The following XIAP variants were observed in gnomAD, a reference collection of about 807,000 sequenced individuals.
The protein encoded by XIAP is X-linked inhibitor of apoptosis.
In XIAP, 3 loss-of-function variants were observed where a neutral mutation model predicts 33.1. That is an observed-to-expected ratio of 0.09 (90% CI 0.04 to 0.23). The LOEUF is 0.23. Among genes scored for constraint, XIAP ranks in the 10% least tolerant of loss-of-function variants. The pLI is 1.00. For synonymous variants in XIAP, 98 were observed against 121.3 expected (o/e 0.81, Z 1.26); for missense variants, 264 against 363.0 (o/e 0.73, Z 2.22).
intron 1 of XIAP, among the ~76,000 whole-genome samples, chrX:123,867,405 C>T (rs1449197837): frequency 2.9e-5 from 3 of 101,709 alleles, no homozygotes; most frequent in Non-Finnish European, 6.0e-5. Flanking sequence ...GACAGAGTCT[C>T]ACTCTGTCCC....
At position 123,886,107 on chromosome X, in the gene XIAP, A is replaced by C. The variant is rs765378700; in HGVS notation, c.445A>C (p.Ile149Leu). The C allele has an allele frequency of 1.7e-6, 2 of 1,211,809 alleles. No homozygotes were observed. The highest frequency in any genetic ancestry group is 2.2e-6 in the Non-Finnish European group (2 of 895,597). The change falls in exon 2 of 7, where the codon ATA becomes CTA. Residue 149 changes from isoleucine to leucine, a missense_variant. Physicochemically the swap from Ile to Leu is conservative, Grantham distance 5. Coordinates refer to ENST00000371199, the MANE Select transcript of XIAP (RefSeq NM_001167.4). Reference protein sequence around the residue: ...YLLRTGQVVDISDTIYPRNPA... With the variant: ...YLLRTGQVVDLSDTIYPRNPA... ...TTTGAGAACTGGGCAGGTTGTAGAT[A>C]TATCAGACACCATATACCCGAGGAA...
intron 1 of XIAP, among the ~76,000 whole-genome samples, chrX:123,881,215 T>A (rs1448054238): frequency 9.0e-6 from 1 of 111,430 alleles, no homozygotes; most frequent in Non-Finnish European, 1.9e-5. Flanking sequence ...CCCAGCATAC[T>A]TTATTGCACC....
In XIAP at chrX:123,888,655, G is replaced by A. The variant is rs2053375818; in HGVS notation, c.914G>A (p.Gly305Glu). The change falls in exon 3 of 7, where the codon GGA becomes GAA. Residue 305 changes from glycine (G) to glutamate (E), a missense_variant. Physicochemically the swap from Gly to Glu is moderately conservative, Grantham distance 98. Coordinates refer to ENST00000371199, the MANE Select transcript of XIAP (RefSeq NM_001167.4). Reference protein sequence around the residue: ...GDKVKCFHCGGGLTDWKPSED... With the variant: ...GDKVKCFHCGEGLTDWKPSED... ...AAAGTAAAGTGCTTTCACTGTGGAG[G>A]AGGGCTAACTGATTGGAAGCCCAGT... The A allele has an allele frequency of 2.5e-6, 3 of 1,210,378 alleles. No individual in the cohort carries two copies. The highest frequency in any genetic ancestry group is 2.2e-6 in the Non-Finnish European group (2 of 895,306).
intron 1 of XIAP, among the ~76,000 whole-genome samples, chrX:123,863,952 A>T (rs191556719): frequency 1.6e-4 from 18 of 111,782 alleles, no homozygotes; most frequent in African/African-American, 5.5e-4. Flanking sequence ...GCATTGGATG[A>T]TTCCAACTAG....
intron 1 of XIAP, among the ~76,000 whole-genome samples, chrX:123,872,414 G>A (rs768424704): frequency 2.6e-4 from 28 of 108,561 alleles, no homozygotes; most frequent in African/African-American, 9.1e-4. Flanking sequence ...TTGGCCGGGT[G>A]TGGTGGCTCA....
chrX:123,903,619 G>GTT (rs1163905528), intron 6 of XIAP, among the ~76,000 whole-genome samples: 1 of 55,300 alleles, frequency 1.8e-5, no homozygotes, highest in Non-Finnish European at 3.4e-5. Context: ...GTTTGTTTCA[G>GTT]TTTTTTTTTT....
intron 5 of XIAP, among the ~76,000 whole-genome samples, chrX:123,900,247 C>T (rs769706658): frequency 4.5e-5 from 5 of 111,922 alleles, no homozygotes; most frequent in South Asian, 3.7e-4. Context: ...TACCTTGCAT[C>T]GTTTCAAACA....
intron 1 of XIAP, among the ~76,000 whole-genome samples, chrX:123,866,905 C>A (rs1457033499): frequency 9.2e-6 from 1 of 108,441 alleles, no homozygotes; most frequent in Non-Finnish European, 1.9e-5. Flanking sequence ...CTCATGTGAT[C>A]TGCCCGCCTC....
At chrX:123,864,455 GTTTTTTTTTTTT>G (rs1162636021) in intron 1 of XIAP, among the ~76,000 whole-genome samples, 1 of 49,589 alleles carries the variant, frequency 2.0e-5, no homozygotes, top group Admixed American at 3.1e-4. Flanking sequence ...CCTTTCTTCT[GTTTTTTTTTTTT>G]TTTTTTTTTT....
chrX:123,885,132 A>T (rs1180990750), intron 1 of XIAP, among the ~76,000 whole-genome samples: 1 of 111,581 alleles, frequency 9.0e-6, no homozygotes, highest in Non-Finnish European at 1.9e-5. Flanking sequence ...CAATATTATG[A>T]TTAAAACATA....
At chrX:123,865,784 C>T (rs2148070362) in intron 1 of XIAP, among the ~76,000 whole-genome samples, 1 of 111,272 alleles carries the variant, frequency 9.0e-6, no homozygotes, top group African/African-American at 3.2e-5. Context: ...GAGACATTGT[C>T]TTGCTGTGTC....
In XIAP at chrX:123,885,913, G is replaced by C; in HGVS notation, c.251G>C (p.Arg84Thr). The change falls in exon 2 of 7, where the codon AGG (arginine) becomes ACG (threonine). Residue 84 changes from arginine to threonine, a missense_variant. Arg to Thr is a moderately conservative substitution (Grantham distance 71, BLOSUM62 -1). Transcript: ENST00000371199. ...GGAGACTCAGCAGTTGGAAGACACA[G>C]GAAAGTATCCCCAAATTGCAGATTT... is the stretch of plus-strand genomic sequence containing the variant. Reference protein sequence around the residue: ...QYGDSAVGRHRKVSPNCRFIN... With the variant: ...QYGDSAVGRHTKVSPNCRFIN... 5 of 1,211,702 alleles carry C rather than the reference G, an allele frequency of 4.1e-6. No homozygotes were observed. The highest frequency in any genetic ancestry group is 5.6e-6 in the Non-Finnish European group (5 of 895,569).
At chrX:123,869,010 G>C (rs1038834453) in intron 1 of XIAP, among the ~76,000 whole-genome samples, 1 of 110,263 alleles carries the variant, frequency 9.1e-6, no homozygotes, top group African/African-American at 3.3e-5. Flanking sequence ...TATTTTCGAG[G>C]ATATGGGTCA....
Position 123,863,989 on chromosome X carries a change from T to C in XIAP, c.-33+3696T>C, listed in dbSNP as rs142475753. 7.0e-3 allele frequency among the ~76,000 whole-genome samples: 775 copies of C among 111,094 alleles called. 7 individuals carry two copies. Among genetic ancestry groups the C allele is most frequent in the Middle Eastern group, 9.2e-3 (2 of 217 alleles). ...CTGACAAAGTAATAATATCTAAAGGTTAGCCAGGACCATTTCAATAGTTAA... is the reference window on the plus strand; with the variant it reads ...CTGACAAAGTAATAATATCTAAAGGCTAGCCAGGACCATTTCAATAGTTAA... On this transcript the variant is annotated intron_variant, in intron 1 of 6. Transcript: ENST00000371199.
intron 1 of XIAP, among the ~76,000 whole-genome samples, chrX:123,861,454 G>A (rs2053078301): frequency 9.1e-6 from 1 of 109,962 alleles, no homozygotes; most frequent in Admixed American, 9.9e-5. Flanking sequence ...TTCAAGAAGT[G>A]GCAACAGTTT....
intron 5 of XIAP, among the ~76,000 whole-genome samples, chrX:123,895,323 A>G (rs1252092097): frequency 8.9e-6 from 1 of 112,529 alleles, no homozygotes; most frequent in South Asian, 3.6e-4. Flanking sequence ...TGTATAAATA[A>G]TACCACATTT....
rs1409475311 is a variant in XIAP, at chrX:123,907,791, A to G, written c.*610A>G. On this transcript the variant is annotated 3_prime_UTR_variant, in exon 7 of 7. Transcript: ENST00000371199. ...AATGATAGAATACTATCGAGCCAAC[A>G]TGTACTGACATGGAAAGATGTCAAA... is the stretch of plus-strand genomic sequence containing the variant. 2.6e-6 allele frequency: 1 copy of G among 380,226 alleles called. No homozygotes were observed. The highest frequency in any genetic ancestry group is 5.0e-6 in the Non-Finnish European group (1 of 201,376). The allele number at this position is 380,226 out of a possible 1,213,427, so 31.3% of individuals were successfully genotyped here.
At chrX:123,901,085 G>A (rs749438762) in intron 6 of XIAP, among the ~76,000 whole-genome samples, 1 of 111,329 alleles carries the variant, frequency 9.0e-6, no homozygotes, top group Non-Finnish European at 1.9e-5. Flanking sequence ...TCATGGGGGG[G>A]TCTCATCTTC....
At chrX:123,904,073 C>T (rs1444803878) in intron 6 of XIAP, among the ~76,000 whole-genome samples, 1 of 111,869 alleles carries the variant, frequency 8.9e-6, no homozygotes, top group Non-Finnish European at 1.9e-5. Context: ...CTCTAGGTGT[C>T]AGTATTGTTG....
Sources: allele counts gnomAD v4.1 joint callset (sites outside exome capture counted in the v4.1 genomes callset), GRCh38; gene constraint gnomAD v4.1.1; transcripts MANE v1.5; gene names NCBI Gene and HGNC (gene_info 2026-07-23, HGNC 2026-07-21).